FBXW10: variants seen among roughly 807,000 people sequenced by gnomAD.
FBXW10 encodes the protein F-box and WD repeat domain containing 10, also known as F-box/WD repeat-containing protein 10.
In FBXW10, 68 loss-of-function variants were observed where a neutral mutation model predicts 113.1. That is an observed-to-expected ratio of 0.60 (90% CI 0.49 to 0.74). FBXW10 has a LOEUF of 0.74. FBXW10 is among the 30% of genes least tolerant of loss of function. The pLI, the probability that FBXW10 is intolerant of heterozygous loss-of-function variation, is 0.00. For synonymous variants in FBXW10, 289 were observed against 481.6 expected, an observed-to-expected ratio of 0.60 and a Z score of 5.24; for missense variants, 753 against 1,284.5, an observed-to-expected ratio of 0.59 and a Z score of 6.32.
At chr17:18,761,092 A>G (rs548679688) in intron 7 of FBXW10, among the ~76,000 whole-genome samples, 1 of 152,284 alleles carries the variant, frequency 6.6e-6, no homozygotes, top group East Asian at 1.9e-4. Context: ...TATCTTTATC[A>G]CATTGAAATT....
At position 18,772,666 on chromosome 17, in the gene FBXW10, C is replaced by T. The variant is rs761607617; in HGVS notation, c.2261C>T (p.Pro754Leu). 30 of 1,610,234 alleles carry T rather than the reference C, an allele frequency of 1.9e-5. No homozygotes were observed. Among genetic ancestry groups the T allele is most frequent in the East Asian group, 4.5e-5 (2 of 44,864 alleles). The change falls in exon 12 of 14, where the codon CCG becomes CTG. Residue 754 changes from proline (P) to leucine (L), a missense_variant. By Grantham distance (98) the Pro-to-Leu change is moderately conservative. Transcript: ENST00000395665. ...CCCAAGTCCCGAGTACTCCTGAAGCCGGCCAAGTTCTCTTCAGGTAAAAAA... is the reference window on the plus strand; with the variant it reads ...CCCAAGTCCCGAGTACTCCTGAAGCTGGCCAAGTTCTCTTCAGGTAAAAAA... ...KPPKSRVLLK[P>L]AKFSSAVLIE...
At chr17:18,761,294 C>CT (rs2035378926) in intron 7 of FBXW10, among the ~76,000 whole-genome samples, 1 of 149,680 alleles carries the variant, frequency 6.7e-6, no homozygotes, top group South Asian at 2.1e-4. Flanking sequence ...AAGACGGAGT[C>CT]TCGCTCTCTC....
chr17:18,744,364 T>C lies in FBXW10; in HGVS notation c.120T>C (p.Ser40=), dbSNP rs763469446. 14 of 1,613,728 alleles carry C rather than the reference T, an allele frequency of 8.7e-6. No homozygotes were observed. The highest frequency in any genetic ancestry group is 3.3e-4 in the Middle Eastern group (2 of 6,078). Reference sequence around the variant, plus strand: ...GTGTCTTAGCCTGGAAGATCTTCTCTACCAAAGAGTGGTTCTGCAGGATCA... The same window carrying C: ...GTGTCTTAGCCTGGAAGATCTTCTCCACCAAAGAGTGGTTCTGCAGGATCA... The part of the protein sequence containing the change: ...ETCVLAWKIF[S]TKEWFCRIND... The change falls in exon 1 of 14, where the codon TCT becomes TCC. Residue 40 remains serine, a synonymous_variant. Coordinates refer to ENST00000395665, the MANE Select transcript of FBXW10 (RefSeq NM_001267585.2).
chr17:18,768,049 TCC>T, intron 9 of FBXW10, among the ~76,000 whole-genome samples: 1 of 149,356 alleles, frequency 6.7e-6, no homozygotes, highest in South Asian at 2.1e-4. Flanking sequence ...CTTCCTTCCT[TCC>T]TTCTTTCTTT....
intron 13 of FBXW10, among the ~76,000 whole-genome samples, chr17:18,775,924 C>T (rs2035689576): frequency 6.6e-6 from 1 of 151,768 alleles, no homozygotes; most frequent in African/African-American, 2.4e-5. Flanking sequence ...ACTCAGGAAG[C>T]TGAGGCGGGA....
chr17:18,774,639 C>CA (rs1044313087), intron 12 of FBXW10, among the ~76,000 whole-genome samples: 27 of 151,674 alleles, frequency 1.8e-4, no homozygotes, highest in African/African-American at 6.5e-4. Context: ...ACTAAAAATA[C>CA]AAAAAAATTA....
intron 7 of FBXW10, among the ~76,000 whole-genome samples, chr17:18,761,555 G>A (rs1303105522): frequency 3.3e-5 from 5 of 152,118 alleles, no homozygotes; most frequent in Non-Finnish European, 5.9e-5. Context: ...ATGAGCCACC[G>A]CGCCCGGCCT....
At chr17:18,757,892 TATTG>T (rs1194612669) in intron 6 of FBXW10, among the ~76,000 whole-genome samples, 2 of 152,352 alleles carry the variant, frequency 1.3e-5, no homozygotes, top group Admixed American at 1.3e-4. Flanking sequence ...GCTCACTGGA[TATTG>T]ATTAAGGGAA....
At chr17:18,764,610 A>T (rs1025996087) in intron 7 of FBXW10, 132 bp from the exon 8 acceptor site, 78 of 1,432,110 alleles carry the variant, frequency 5.4e-5, no homozygotes, top group Non-Finnish European at 6.9e-5. Context: ...ATTCAAATCC[A>T]GGCCCCTGAC....
At chr17:18,745,858 G>A (rs1434334548) in intron 1 of FBXW10, among the ~76,000 whole-genome samples, 12 of 152,242 alleles carry the variant, frequency 7.9e-5, no homozygotes, top group Non-Finnish European at 1.5e-4. Flanking sequence ...GAAACAATAA[G>A]GGTGGTGTCT....
Position 18,766,136 on chromosome 17 carries a change from T to C in FBXW10, c.1556-578T>C, listed in dbSNP as rs548251875. Reference sequence around the variant, plus strand: ...AACACAGTCTGTGTTGAAGCAGCAGTAAACCCACCCCTAGCTGTGACCATT... The same window carrying C: ...AACACAGTCTGTGTTGAAGCAGCAGCAAACCCACCCCTAGCTGTGACCATT... On this transcript the variant is annotated intron_variant, in intron 8 of 13. Coordinates refer to ENST00000395665, the MANE Select transcript of FBXW10 (RefSeq NM_001267585.2). 3.6e-4 allele frequency among the ~76,000 whole-genome samples: 55 copies of C among 152,204 alleles called. 2 individuals carry two copies. The South Asian group carries it at 8.7e-3, about 24-fold the overall frequency.
rs771879072 is a variant in FBXW10 at position 18,779,246 on chromosome 17, C to T, written c.3107C>T (p.Thr1036Met). The T allele has an allele frequency of 3.8e-6, 5 of 1,310,956 alleles. No homozygotes were observed. The highest frequency in any genetic ancestry group is 2.3e-5 in the East Asian group (1 of 43,366). The allele number at this position is 1,310,956 out of a possible 1,614,324, so 81.2% of individuals were successfully genotyped here. The change falls in exon 14 of 14, where the codon ACG becomes ATG. Residue 1036 changes from threonine (T) to methionine (M), a missense_variant. By Grantham distance (81) the Thr-to-Met change is moderately conservative. Coordinates refer to ENST00000395665, the MANE Select transcript of FBXW10 (RefSeq NM_001267585.2). ...KIKGLPIDNF[T>M]KQGKTAAPEL... ...AAAGGCCTGCCTATTGATAATTTCA[C>T]GAAGCAAGGGAAAACAGCGGCCCCT...
chr17:18,750,122 G>C lies in FBXW10; in HGVS notation c.984G>C (p.Gln328His). ...CAGCGCACGGCTTCATTCAGAACCA[G>C]ATTACCTTCTTGCAGGTACTTCCTG... ...DLSAHGFIQNQITFLQGSYTR... is the reference protein window; with the variant it reads ...DLSAHGFIQNHITFLQGSYTR... The change falls in exon 4 of 14, where the codon CAG becomes CAC. Residue 328 changes from glutamine (Q) to histidine (H), a missense_variant. Physicochemically the swap from Gln to His is conservative, Grantham distance 24. Coordinates refer to ENST00000395665, the MANE Select transcript of FBXW10 (RefSeq NM_001267585.2). 6.2e-7 allele frequency: 1 copy of C among 1,605,752 alleles called. No individual in the cohort carries two copies. Among genetic ancestry groups the C allele is most frequent in the South Asian group, 1.1e-5 (1 of 90,514 alleles).
intron 2 of FBXW10, among the ~76,000 whole-genome samples, chr17:18,748,408 C>CAA (rs57336039): frequency 0.073 from 3,705 of 50,966 alleles, 8 homozygotes; most frequent in African/African-American, 0.1. Flanking sequence ...GAGACTGTCT[C>CAA]AAAAAAAAAA....
At chr17:18,764,997 A>G in intron 8 of FBXW10, 134 bp downstream of exon 8, 8 of 1,577,980 alleles carry the variant, frequency 5.1e-6, no homozygotes, top group African/African-American at 1.3e-5. Flanking sequence ...CCACCCACCC[A>G]CCCATCCTTC....
chr17:18,768,497 C>G (rs1597601847), intron 9 of FBXW10, 37 bp from the exon 10 acceptor site: 2 of 1,609,936 alleles, frequency 1.2e-6, no homozygotes, highest in Non-Finnish European at 1.7e-6. Flanking sequence ...GGAGGAGTCA[C>G]AGTCTGAGTT....
Position 18,747,930 on chromosome 17 carries a change from C to G in FBXW10, c.506-11C>G, listed in dbSNP as rs770017471. 9 of 1,613,866 alleles carry G rather than the reference C, an allele frequency of 5.6e-6. No individual in the cohort carries two copies. In the South Asian group the frequency reaches 9.9e-5, roughly 18 times the overall value. Reference sequence around the variant, plus strand: ...TCAAGAGCAACCTTGTCTTGGTCTTCTGTGTTTCAGGGCTCAATCAAGACA... The same window carrying G: ...TCAAGAGCAACCTTGTCTTGGTCTTGTGTGTTTCAGGGCTCAATCAAGACA... On this transcript the variant is annotated splice_polypyrimidine_tract_variant and intron_variant, in intron 1 of 13. Transcript: ENST00000395665.
intron 5 of FBXW10, among the ~76,000 whole-genome samples, chr17:18,755,263 TA>T (rs1250281752): frequency 7.1e-6 from 1 of 141,270 alleles, no homozygotes; most frequent in Non-Finnish European, 1.5e-5. Context: ...AACTCCGTCT[TA>T]AAAAAATTGC....
chr17:18,772,827 C>T, intron 12 of FBXW10, 144 bp downstream of exon 12: 1 of 676,788 alleles, frequency 1.5e-6, no homozygotes, highest in Non-Finnish European at 2.5e-6. Flanking sequence ...TCCTAACCCT[C>T]CAGGAAGGTA....
Sources: gnomAD v4.1 joint callset for allele counts (sites outside exome capture counted in the v4.1 genomes callset) on GRCh38, gnomAD v4.1.1 for gene constraint, MANE v1.5 for transcripts, NCBI Gene and HGNC (gene_info 2026-07-23, HGNC 2026-07-21) for gene names.